The following DMD variants were observed in gnomAD, a reference collection of about 807,000 sequenced individuals.
DMD encodes dystrophin.
DMD carries 63 observed loss-of-function variants against 330.1 expected under a neutral mutation model. The observed-to-expected ratio is 0.19, with a 90% CI of 0.16 to 0.24. The LOEUF is 0.24. Among genes scored for constraint, DMD ranks in the 10% least tolerant of loss-of-function variants. The pLI, the probability that DMD is intolerant of heterozygous loss-of-function variation, is 1.00. For missense variants in DMD, 3,344 were observed against 2,684.1 expected (o/e 1.25, Z -5.43); for synonymous variants, 1,223 against 959.8 (o/e 1.27, Z -5.07).
intron 55 of DMD, among the ~76,000 whole-genome samples, chrX:31,626,017 C>G (rs1400230126): frequency 9.0e-6 from 1 of 111,357 alleles, no homozygotes; most frequent in Admixed American, 9.6e-5. Context: ...TGAAGTCTCA[C>G]TTTGTCACCC....
chrX:32,697,138 T>C (rs1213320796), intron 9 of DMD, among the ~76,000 whole-genome samples: 1 of 111,873 alleles, frequency 8.9e-6, no homozygotes, highest in Non-Finnish European at 1.9e-5. Flanking sequence ...TAAAAAGTAA[T>C]TCTTGCAAAT....
At chrX:33,257,539 A>T (rs774408144) in intron 1 of DMD, among the ~76,000 whole-genome samples, 19 of 111,428 alleles carry the variant, frequency 1.7e-4, no homozygotes, top group African/African-American at 5.8e-4. Context: ...GTTATTAAAT[A>T]TGCAATGTAG....
chrX:32,816,945 C>T lies in DMD; in HGVS notation c.358-305G>A, dbSNP rs1183936914. ...CACCTTCTAGCTTTCAATGAACAAG[C>T]TAGAGAAGACAGTGTATAAAACATT... On this transcript the variant is annotated intron_variant, in intron 5 of 78. Coordinates refer to ENST00000357033, the MANE Select transcript of DMD (RefSeq NM_004006.3). Among the ~76,000 whole-genome samples, 3 of 112,005 alleles carry T rather than the reference C, an allele frequency of 2.7e-5. No individual in the cohort carries two copies. The Admixed American group carries it at 2.9e-4, about 11-fold the overall frequency.
chrX:31,315,940 C>A (rs1008262657), intron 62 of DMD, among the ~76,000 whole-genome samples: 1 of 112,019 alleles, frequency 8.9e-6, no homozygotes, highest in African/African-American at 3.2e-5. Context: ...CCAGAAGAAG[C>A]CTCATGAATG....
chrX:32,381,306 C>G (rs1281773209), intron 33 of DMD, among the ~76,000 whole-genome samples: 1 of 111,256 alleles, frequency 9.0e-6, no homozygotes, highest in African/African-American at 3.3e-5. Context: ...AATATTCATT[C>G]CCATTAATAG....
At chrX:33,027,111 T>C (rs768662017) in intron 1 of DMD, among the ~76,000 whole-genome samples, 6 of 112,008 alleles carry the variant, frequency 5.4e-5, no homozygotes, top group Non-Finnish European at 1.1e-4. Context: ...CATGGCAAAG[T>C]GGAATTATTG....
intron 44 of DMD, among the ~76,000 whole-genome samples, chrX:32,167,636 T>C (rs1945779738): frequency 8.9e-6 from 1 of 112,630 alleles, no homozygotes. Context: ...ACGTCCCTGA[T>C]ACACGGTTAA....
At chrX:32,021,347 A>T (rs2095804451) in intron 44 of DMD, among the ~76,000 whole-genome samples, 1 of 112,199 alleles carries the variant, frequency 8.9e-6, no homozygotes, top group African/African-American at 3.2e-5. Flanking sequence ...CTCTTTAAAG[A>T]TACAAATACA....
At chrX:32,413,568 C>T (rs2098152992) in intron 29 of DMD, among the ~76,000 whole-genome samples, 1 of 110,310 alleles carries the variant, frequency 9.1e-6, no homozygotes, top group Admixed American at 9.8e-5. Flanking sequence ...CTCAAATATG[C>T]TATCAGTTTC....
At chrX:31,725,325 G>T (rs188659972) in intron 52 of DMD, among the ~76,000 whole-genome samples, 104 of 111,476 alleles carry the variant, frequency 9.3e-4, no homozygotes, top group African/African-American at 3.2e-3. Context: ...TCTATTTATA[G>T]ATCTTATTCC....
In DMD at chrX:31,445,245, C is replaced by G. The variant is rs1052251907; in HGVS notation, c.8938-618G>C. ...ACTGATTTTATTTCTACCCAACAAT[C>G]CTATGAGGCCAGTAGTTGGAGAATT... On this transcript the variant is annotated intron_variant, in intron 59 of 78. Coordinates refer to ENST00000357033, the MANE Select transcript of DMD (RefSeq NM_004006.3). 5.4e-5 allele frequency among the ~76,000 whole-genome samples: 6 copies of G among 111,493 alleles called. No individual in the cohort carries two copies. In the East Asian group the frequency reaches 1.4e-3, roughly 26 times the overall value.
At chrX:32,035,827 T>A (rs1569535035) in intron 44 of DMD, among the ~76,000 whole-genome samples, 1 of 107,869 alleles carries the variant, frequency 9.3e-6, no homozygotes, top group Non-Finnish European at 1.9e-5. Flanking sequence ...TGTGAATGAA[T>A]TCATGTCCCA....
At position 32,411,788 on chromosome X, in the gene DMD, G is replaced by A. The variant is rs1285677282; in HGVS notation, c.4197C>T (p.Asp1399=). Residue 1399 remains aspartate (D), a synonymous_variant, in exon 30 of 79, where the codon GAC becomes GAT. Transcript: ENST00000357033. The stretch of plus-strand genomic sequence containing the variant: ...GAGGCATTTGAGCTGCGTCCACCTT[G>A]TCTGCAATATAAGCTGCCAACTGCT... The part of the protein sequence containing the change: ...IDKQLAAYIA[D]KVDAAQMPQE... 1 of 1,211,387 alleles carries A rather than the reference G, an allele frequency of 8.3e-7. No homozygotes were observed. The highest frequency in any genetic ancestry group is 2.2e-5 in the Admixed American group (1 of 45,988).
At chrX:32,454,193 C>T (rs2098345444) in intron 26 of DMD, among the ~76,000 whole-genome samples, 1 of 111,241 alleles carries the variant, frequency 9.0e-6, no homozygotes, top group Non-Finnish European at 1.9e-5. Context: ...TACATGTAAA[C>T]TCAGTCCTTT....
intron 2 of DMD, among the ~76,000 whole-genome samples, chrX:32,900,238 A>C (rs2086116305): frequency 1.8e-5 from 2 of 112,157 alleles, no homozygotes; most frequent in South Asian, 7.4e-4. Context: ...TGTTGGTATG[A>C]ATAGGAATAA....
chrX:32,076,436 G>A (rs1226091269), intron 44 of DMD, among the ~76,000 whole-genome samples: 2 of 104,178 alleles, frequency 1.9e-5, no homozygotes, highest in African/African-American at 3.6e-5. Context: ...CTGGAGTGGA[G>A]TGTCGTGATC....
intron 7 of DMD, among the ~76,000 whole-genome samples, chrX:32,800,869 G>A (rs772814864): frequency 9.0e-6 from 1 of 111,276 alleles, no homozygotes; most frequent in Non-Finnish European, 1.9e-5. Flanking sequence ...TCCCTGCAAA[G>A]GACATGAAAC....
chrX:31,135,622 T>C (rs1271316901), intron 76 of DMD, among the ~76,000 whole-genome samples: 4 of 112,538 alleles, frequency 3.6e-5, no homozygotes, highest in Non-Finnish European at 7.5e-5. Context: ...TGAATCTGTG[T>C]CTGTATTGTT....
At chrX:32,476,006 A>T (rs2041196002) in intron 21 of DMD, among the ~76,000 whole-genome samples, 1 of 111,233 alleles carries the variant, frequency 9.0e-6, no homozygotes. Context: ...TATAAATAGC[A>T]GTGAAGTAAA....
Sources: gnomAD v4.1 joint callset for allele counts (sites outside exome capture counted in the v4.1 genomes callset) on GRCh38, gnomAD v4.1.1 for gene constraint, MANE v1.5 for transcripts, NCBI Gene and HGNC (gene_info 2026-07-23, HGNC 2026-07-21) for gene names.